The following CNTN5 variants were observed in gnomAD, a reference collection of about 807,000 sequenced individuals.
The protein encoded by CNTN5 is contactin 5.
A neutral mutation model predicts 129.1 loss-of-function variants in CNTN5; 77 were observed. The observed-to-expected ratio is 0.60, with a 90% CI of 0.50 to 0.72. CNTN5 has a LOEUF of 0.72. CNTN5 is among the 30% of genes least tolerant of loss of function. The pLI is 0.00. For missense variants in CNTN5, 1,478 were observed against 1,328.8 expected (o/e 1.11, Z -1.75); for synonymous variants, 509 against 465.6 (o/e 1.09, Z -1.20).
In CNTN5 at chr11:100,127,095, A is replaced by ATTTTTT. The variant is rs5794039; in HGVS notation, c.1580+52823_1580+52828dup. Among the ~76,000 whole-genome samples the ATTTTTT allele has an allele frequency of 3.2e-3, 270 of 85,622 alleles. 6 individuals carry two copies. Among genetic ancestry groups the ATTTTTT allele is most frequent in the African/African-American group, 0.012 (257 of 22,004 alleles). 56.2% of individuals were successfully genotyped at this position (85,622 alleles called of 152,430 possible). A position where few individuals can be genotyped will look rare whatever the true frequency, so the allele number is the denominator to read the frequency against. Reference sequence around the variant, plus strand: ...AGGTGCACACCACCATGCGCAGCTAATTTTTTTTTTTTTTTTTTTTTTTTT... The same window carrying ATTTTTT: ...AGGTGCACACCACCATGCGCAGCTAATTTTTTTTTTTTTTTTTTTTTTTTTTTTTTT... On this transcript the variant is annotated intron_variant, in intron 13 of 24. Transcript: ENST00000524871.
intron 3 of CNTN5, among the ~76,000 whole-genome samples, chr11:99,701,004 T>C (rs1030682244): frequency 1.3e-5 from 2 of 151,286 alleles, no homozygotes; most frequent in Non-Finnish European, 1.5e-5. Flanking sequence ...ATAAAAGTTT[T>C]CATTACTGAG....
chr11:99,568,828 T>C (rs1293094660), intron 3 of CNTN5, among the ~76,000 whole-genome samples: 4 of 152,242 alleles, frequency 2.6e-5, no homozygotes, highest in Admixed American at 1.3e-4. Context: ...ATTAATAAAG[T>C]TAACAATTGA....
chr11:99,346,022 A>G (rs1937835180), intron 2 of CNTN5, among the ~76,000 whole-genome samples: 5 of 152,164 alleles, frequency 3.3e-5, no homozygotes, highest in Admixed American at 3.3e-4. Flanking sequence ...CCACATTCAC[A>G]CCATGCTAAC....
At chr11:99,334,422 T>C (rs1383452449) in intron 2 of CNTN5, among the ~76,000 whole-genome samples, 1 of 152,132 alleles carries the variant, frequency 6.6e-6, no homozygotes, top group Non-Finnish European at 1.5e-5. Context: ...GTGATACTTA[T>C]CTTAATTTGA....
chr11:99,181,249 C>G (rs931203713), intron 1 of CNTN5, among the ~76,000 whole-genome samples: 15 of 152,180 alleles, frequency 9.9e-5, no homozygotes, highest in Admixed American at 9.8e-4. Flanking sequence ...CAGGTATTGC[C>G]ACCCGTAGGA....
intron 1 of CNTN5, among the ~76,000 whole-genome samples, chr11:99,116,844 T>G (rs180942548): frequency 1.2e-4 from 19 of 152,298 alleles, no homozygotes; most frequent in Admixed American, 1.2e-3. Flanking sequence ...TGTTGAATTT[T>G]AATTGCTCAT....
At chr11:100,171,403 CA>C (rs1322141635) in intron 13 of CNTN5, among the ~76,000 whole-genome samples, 1 of 151,978 alleles carries the variant, frequency 6.6e-6, no homozygotes, top group Non-Finnish European at 1.5e-5. Flanking sequence ...AAATCTCACA[CA>C]AATTCAAGAA....
At chr11:99,761,521 T>C (rs866305366) in intron 3 of CNTN5, among the ~76,000 whole-genome samples, 1 of 150,924 alleles carries the variant, frequency 6.6e-6, no homozygotes, top group Admixed American at 6.7e-5. Flanking sequence ...CGGTGTTTGG[T>C]TTTTTGTTCT....
At chr11:99,529,642 A>G (rs1156902248) in intron 2 of CNTN5, among the ~76,000 whole-genome samples, 1 of 152,210 alleles carries the variant, frequency 6.6e-6, no homozygotes, top group Non-Finnish European at 1.5e-5. Flanking sequence ...CATGACTTTG[A>G]AAAGGTAACA....
At chr11:99,753,976 C>T (rs537640478) in intron 3 of CNTN5, among the ~76,000 whole-genome samples, 1 of 128,812 alleles carries the variant, frequency 7.8e-6, no homozygotes, top group Non-Finnish European at 1.7e-5. Flanking sequence ...GCCTGAGCCA[C>T]GGCACCCTGC....
chr11:99,368,643 T>A (rs1939614988), intron 2 of CNTN5, among the ~76,000 whole-genome samples: 1 of 151,758 alleles, frequency 6.6e-6, no homozygotes, highest in African/African-American at 2.4e-5. Context: ...TTTACACATA[T>A]AATTATCGTA....
chr11:99,478,937 C>T (rs1353820739), intron 2 of CNTN5, among the ~76,000 whole-genome samples: 1 of 151,952 alleles, frequency 6.6e-6, no homozygotes. Context: ...GTTTTAGATT[C>T]TTTTTGGTTT....
intron 7 of CNTN5, among the ~76,000 whole-genome samples, chr11:99,952,813 G>A (rs1176506630): frequency 1.3e-5 from 2 of 152,204 alleles, no homozygotes; most frequent in African/African-American, 4.8e-5. Context: ...AATAAGGCCT[G>A]TTAACTGAGA....
At chr11:99,731,200 C>T (rs1943521577) in intron 3 of CNTN5, among the ~76,000 whole-genome samples, 1 of 151,908 alleles carries the variant, frequency 6.6e-6, no homozygotes, top group Non-Finnish European at 1.5e-5. Flanking sequence ...GCTCCGCTTC[C>T]GGGTTCACGC....
intron 23 of CNTN5, among the ~76,000 whole-genome samples, chr11:100,347,063 A>G (rs1422310120): frequency 6.6e-6 from 1 of 152,126 alleles, no homozygotes; most frequent in Non-Finnish European, 1.5e-5. Context: ...CCCTCCCATA[A>G]CATGTGGGCA....
At chr11:99,967,373 A>G (rs1246857701) in intron 8 of CNTN5, among the ~76,000 whole-genome samples, 2 of 152,110 alleles carry the variant, frequency 1.3e-5, no homozygotes, top group Non-Finnish European at 2.9e-5. Context: ...TGTATCAGGT[A>G]TTTTGTTAGG....
At chr11:99,827,334 G>A (rs917708599) in intron 4 of CNTN5, among the ~76,000 whole-genome samples, 4 of 152,046 alleles carry the variant, frequency 2.6e-5, no homozygotes, top group African/African-American at 7.2e-5. Flanking sequence ...GGCGATCCAC[G>A]CACCTTGACC....
At chr11:99,372,875 A>T (rs1348407440) in intron 2 of CNTN5, among the ~76,000 whole-genome samples, 11 of 152,188 alleles carry the variant, frequency 7.2e-5, no homozygotes, top group Non-Finnish European at 1.3e-4. Context: ...ATCAATGTCC[A>T]GTGTTATGGC....
At chr11:100,092,325 C>T (rs191447750) in intron 13 of CNTN5, among the ~76,000 whole-genome samples, 5 of 152,184 alleles carry the variant, frequency 3.3e-5, no homozygotes, top group Admixed American at 6.5e-5. Context: ...ACTTCATTTA[C>T]CCGGTGAAGC....
Sources: allele counts gnomAD v4.1 joint callset (sites outside exome capture counted in the v4.1 genomes callset), GRCh38; gene constraint gnomAD v4.1.1; transcripts MANE v1.5; gene names NCBI Gene and HGNC (gene_info 2026-07-23, HGNC 2026-07-21).